Variants in SPATA22 observed in about 807,000 individuals in gnomAD.
The protein encoded by SPATA22 is spermatogenesis-associated protein 22.
In SPATA22, 29 loss-of-function variants were observed where a neutral mutation model predicts 47.8. The observed-to-expected ratio is 0.61, with a 90% CI of 0.45 to 0.83. The LOEUF is 0.83. Ranked by LOEUF, SPATA22 falls within the 40% of genes least tolerant of loss-of-function variation. The pLI is 0.00. For missense variants in SPATA22, 410 were observed against 421.7 expected, an observed-to-expected ratio of 0.97 and a Z score of 0.24; for synonymous variants, 133 against 140.9, an observed-to-expected ratio of 0.94 and a Z score of 0.40.
At chr17:3,452,651 C>T (rs912978748) in intron 5 of SPATA22, among the ~76,000 whole-genome samples, 1 of 151,594 alleles carries the variant, frequency 6.6e-6, no homozygotes, top group African/African-American at 2.4e-5. Context: ...TCGACAGCCC[C>T]TTACATAGAC....
intron 5 of SPATA22, among the ~76,000 whole-genome samples, chr17:3,449,949 C>G (rs1427882363): frequency 6.6e-6 from 1 of 152,000 alleles, no homozygotes; most frequent in Non-Finnish European, 1.5e-5. Context: ...ATCTCCCAGG[C>G]TCAAGCGATC....
chr17:3,483,674 T>G, intron 1 of SPATA22: 1 of 1,367,040 alleles, frequency 7.3e-7, no homozygotes, highest in Non-Finnish European at 1.0e-6. Flanking sequence ...TATCTTATTT[T>G]ATTTTTGAGA....
At chr17:3,471,285 G>GC in intron 1 of SPATA22, 6 of 336,806 alleles carry the variant, frequency 1.8e-5, no homozygotes, top group Non-Finnish European at 2.5e-5. Context: ...CTCCACCGGC[G>GC]CAACTCACAT....
intron 3 of SPATA22, among the ~76,000 whole-genome samples, chr17:3,464,686 G>C (rs2073234890): frequency 6.6e-6 from 1 of 151,004 alleles, no homozygotes; most frequent in African/African-American, 2.4e-5. Context: ...CGTCTGGGAG[G>C]TGAGGAGCGT....
In SPATA22 at chr17:3,490,311, C is replaced by G. The variant is rs1202126222; in HGVS notation, c.-73-20913G>C. Among the ~76,000 whole-genome samples the G allele has an allele frequency of 2.0e-5, 3 of 152,082 alleles. No homozygotes were observed. The highest frequency in any genetic ancestry group is 7.2e-5 in the African/African-American group (3 of 41,412). ...GGGTATATGCAGCTCTATGCACTAT[C>G]TGCTCATTTATTTGGTAAATCTAAA... On this transcript the variant is annotated intron_variant, in intron 1 of 8. Coordinates refer to the SPATA22 transcript ENST00000541913. The surrounding 1 kb of genome is among the most constrained non-coding windows in gnomAD (Gnocchi z 4.6).
chr17:3,503,801 C>T (rs72825819), intron 1 of SPATA22, among the ~76,000 whole-genome samples: 23,572 of 152,130 alleles, frequency 0.15, 2,097 homozygotes, highest in African/African-American at 0.24. Flanking sequence ...GCATTTTTCT[C>T]ATTTATAAAA....
Position 3,471,765 on chromosome 17 carries a change from G to A in SPATA22, c.-157C>T, listed in dbSNP as rs539697214. ...CCTCGCCTCCGTCAACCGTCGTCCAGGCGGCCCCGTCAGCAACCGCCGCCC... is the reference window on the plus strand; with the variant it reads ...CCTCGCCTCCGTCAACCGTCGTCCAAGCGGCCCCGTCAGCAACCGCCGCCC... On this transcript the variant is annotated 5_prime_UTR_variant, in exon 1 of 9. Transcript: ENST00000572969. 19 of 985,636 alleles carry A rather than the reference G, an allele frequency of 1.9e-5. No individual in the cohort carries two copies. In the South Asian group the frequency reaches 8.0e-4, roughly 41 times the overall value. 61.1% of individuals were successfully genotyped at this position (985,636 alleles called of 1,614,324 possible).
chr17:3,486,002 G>A (rs896064767), intron 1 of SPATA22, among the ~76,000 whole-genome samples: 4 of 149,572 alleles, frequency 2.7e-5, no homozygotes, highest in East Asian at 2.0e-4. Flanking sequence ...GCACAATCTC[G>A]GCTCACTGCA....
chr17:3,460,453 T>C (rs1009084564), intron 5 of SPATA22, among the ~76,000 whole-genome samples: 1 of 152,182 alleles, frequency 6.6e-6, no homozygotes, highest in Non-Finnish European at 1.5e-5. Flanking sequence ...TATGCATTTA[T>C]CTGAACCCGT....
chr17:3,453,959 C>T (rs1035770418), intron 5 of SPATA22, among the ~76,000 whole-genome samples: 2 of 152,020 alleles, frequency 1.3e-5, no homozygotes, highest in Admixed American at 6.6e-5. Flanking sequence ...ATGACATGAT[C>T]TTGTATGTAG....
chr17:3,446,568 T>C lies in SPATA22; in HGVS notation c.706A>G (p.Lys236Glu). 6.3e-7 allele frequency: 1 copy of C among 1,597,096 alleles called. No homozygotes were observed. Among genetic ancestry groups the C allele is most frequent in the Non-Finnish European group, 8.6e-7 (1 of 1,168,020 alleles). ...GAAATAATTCTTAAAGAACTAGCTTTTTCCTTAAACTGTAACTGATACAAT... is the reference window on the plus strand; with the variant it reads ...GAAATAATTCTTAAAGAACTAGCTTCTTCCTTAAACTGTAACTGATACAAT... Reference protein sequence around the residue: ...TSLYQLQFKEKASSLRIISAV... With the variant: ...TSLYQLQFKEEASSLRIISAV... Residue 236 changes from lysine (K) to glutamate (E), a missense_variant, in exon 7 of 9, where the codon AAA becomes GAA. Physicochemically the swap from Lys to Glu is moderately conservative, Grantham distance 56. Transcript: ENST00000572969.
intron 5 of SPATA22, among the ~76,000 whole-genome samples, chr17:3,454,406 C>T (rs1204115235): frequency 6.6e-6 from 1 of 151,934 alleles, no homozygotes; most frequent in Non-Finnish European, 1.5e-5. Flanking sequence ...CCCATTAACT[C>T]ATCTTTAGCA....
At chr17:3,489,276 G>C in intron 1 of SPATA22, 1 of 1,613,212 alleles carries the variant, frequency 6.2e-7, no homozygotes, top group Non-Finnish European at 8.5e-7. Flanking sequence ...TCTGAGAGCT[G>C]ATATCTTGGA....
intron 3 of SPATA22, 129 bp downstream of exon 3, chr17:3,467,297 T>A: frequency 1.3e-6 from 1 of 742,940 alleles, no homozygotes; most frequent in Non-Finnish European, 2.0e-6. Flanking sequence ...AAGTGCTATG[T>A]AATTTCTATA....
At chr17:3,449,722 C>T (rs540453240) in intron 5 of SPATA22, among the ~76,000 whole-genome samples, 107 of 152,250 alleles carry the variant, frequency 7.0e-4, no homozygotes, top group African/African-American at 2.4e-3. Context: ...CATTTGTCAG[C>T]AACATTAAGT....
At chr17:3,476,548 T>C (rs9889604), upstream of SPATA22, among the ~76,000 whole-genome samples, 34,381 of 152,218 alleles carry the variant, frequency 0.23, 4,244 homozygotes, top group East Asian at 0.46. Context: ...TTAATTATAC[T>C]GCATTGTGAA....
rs529229711 is a variant in SPATA22 at position 3,465,505 on chromosome 17, T to C, written c.172+1921A>G. ...CCCCAACCCTGTGCTCTCTCAAACA[T>C]GTGCTGTGTCCACTCAGGGTTAAAT... is the stretch of plus-strand genomic sequence containing the variant. On this transcript the variant is annotated intron_variant, in intron 3 of 8. Coordinates refer to ENST00000572969, the MANE Select transcript of SPATA22 (RefSeq NM_001170698.2). Among the ~76,000 whole-genome samples the C allele has an allele frequency of 1.4e-3, 211 of 152,160 alleles. 1 individual carries two copies. The Middle Eastern group carries it at 0.017, about 12-fold the overall frequency.
chr17:3,513,709 T>A, exon 1 of SPATA22: 1 of 486,748 alleles, frequency 2.1e-6, no homozygotes, highest in East Asian at 3.1e-5. Context: ...GTTTGCCAAG[T>A]AACAAAATCC....
At chr17:3,466,301 C>T (rs373205170) in intron 3 of SPATA22, among the ~76,000 whole-genome samples, 75 of 151,854 alleles carry the variant, frequency 4.9e-4, no homozygotes, top group African/African-American at 1.8e-3. Flanking sequence ...GCATGTACCA[C>T]GTATACTTCA....
Sources: allele counts gnomAD v4.1 joint callset (sites outside exome capture counted in the v4.1 genomes callset), GRCh38; gene constraint gnomAD v4.1.1; non-coding constraint Gnocchi (gnomAD v3.1); transcripts MANE v1.5; gene names NCBI Gene and HGNC (gene_info 2026-07-23, HGNC 2026-07-21).